The following ST8SIA5 variants were observed in gnomAD, a reference collection of about 807,000 sequenced individuals.
ST8SIA5 encodes the protein ST8 alpha-N-acetyl-neuraminide alpha-2,8-sialyltransferase 5, also known as alpha-2,8-sialyltransferase 8E.
A neutral mutation model predicts 40.2 loss-of-function variants in ST8SIA5; 24 were observed. The observed-to-expected ratio is 0.60, with a 90% CI of 0.43 to 0.84. ST8SIA5 has a LOEUF of 0.84. ST8SIA5 is among the 40% of genes least tolerant of loss of function. ST8SIA5 has a pLI of 0.00. For synonymous variants in ST8SIA5, 198 were observed against 201.8 expected (o/e 0.98, Z 0.16); for missense variants, 465 against 498.5 (o/e 0.93, Z 0.64).
rs2039312810 is a variant in ST8SIA5 at position 46,672,204 on chromosome 18, G to T, written c.*7838C>A. 6.6e-6 allele frequency: 1 copy of T among 152,240 alleles called. No homozygotes were observed. The highest frequency in any genetic ancestry group is 2.1e-4 in the South Asian group (1 of 4,834). The allele number at this position is 152,240 out of a possible 1,614,324, so 9.4% of individuals were successfully genotyped here. ...TGGGGTCGCACGAGTATTTCTTAAA[G>T]CTCTTCAGACGACTCTAGCGTGCAC... On this transcript the variant is annotated 3_prime_UTR_variant, in exon 7 of 7. Coordinates refer to ENST00000315087, the MANE Select transcript of ST8SIA5 (RefSeq NM_013305.6).
chr18:46,703,797 A>G (rs1320084724), intron 2 of ST8SIA5, among the ~76,000 whole-genome samples: 1 of 152,190 alleles, frequency 6.6e-6, no homozygotes, highest in Non-Finnish European at 1.5e-5. Flanking sequence ...CATGACTAAT[A>G]TAGTACCAAT....
Position 46,710,062 on chromosome 18 carries a change from C to T in ST8SIA5, c.132-5398G>A, listed in dbSNP as rs1293540162. Among the ~76,000 whole-genome samples, 3 of 152,188 alleles carry T rather than the reference C, an allele frequency of 2.0e-5. No individual in the cohort carries two copies. The East Asian group carries it at 5.8e-4, about 29-fold the overall frequency. On this transcript the variant is annotated intron_variant, in intron 1 of 6. Transcript: ENST00000315087. ...TCTTTACCCACATCAAAGGGGAGGG[C>T]ACCCTGGCACCATGTAGGGCATCTC...
intron 2 of ST8SIA5, among the ~76,000 whole-genome samples, chr18:46,694,885 G>A (rs920861494): frequency 4.6e-5 from 7 of 151,742 alleles, no homozygotes; most frequent in African/African-American, 9.7e-5. Flanking sequence ...TAGGCCGGGC[G>A]CAGTGGCTCA....
chr18:46,716,086 GGATAGATAGATAGATA>G (rs61514320), intron 1 of ST8SIA5, among the ~76,000 whole-genome samples: 10,596 of 139,726 alleles, frequency 0.076, 676 homozygotes, highest in East Asian at 0.36. Flanking sequence ...GAGTCACACA[GGATAGATAGATAGATA>G]GATAGATAGA....
At chr18:46,691,504 C>A (rs1281843651) in intron 3 of ST8SIA5, 1 of 152,458 alleles carries the variant, frequency 6.6e-6, no homozygotes, top group Non-Finnish European at 1.5e-5. Flanking sequence ...GGTCTACCTG[C>A]ACTAAAATAA....
intron 2 of ST8SIA5, among the ~76,000 whole-genome samples, chr18:46,695,108 G>A (rs139931300): frequency 0.021 from 3,230 of 150,410 alleles, 98 homozygotes; most frequent in African/African-American, 0.066. Flanking sequence ...GCAATGAGCC[G>A]AGATTGTGCC....
At position 46,756,759 on chromosome 18, in the gene ST8SIA5, A is replaced by G. The variant is rs1296279400; in HGVS notation, c.-251T>C. On this transcript the variant is annotated 5_prime_UTR_variant, in exon 1 of 7. Transcript: ENST00000315087. ...TCTGCCGCGGCCAGGGGCCTTCCCC[A>G]CCCCCGGGTACCTTTACCTCCAGGC... 1 of 431,456 alleles carries G rather than the reference A, an allele frequency of 2.3e-6. No homozygotes were observed. The highest frequency in any genetic ancestry group is 4.1e-6 in the Non-Finnish European group (1 of 246,790). The allele number at this position is 431,456 out of a possible 1,614,324, so 26.7% of individuals were successfully genotyped here.
chr18:46,715,050 C>A (rs1298876919), intron 1 of ST8SIA5, among the ~76,000 whole-genome samples: 1 of 152,234 alleles, frequency 6.6e-6, no homozygotes, highest in Admixed American at 6.5e-5. Flanking sequence ...ACATCAGGTT[C>A]ATGGGACCAA....
chr18:46,704,666 T>C lies in ST8SIA5; in HGVS notation c.132-2A>G. The C allele has an allele frequency of 1.2e-6, 2 of 1,613,838 alleles. No homozygotes were observed. The highest frequency in any genetic ancestry group is 1.7e-6 in the Non-Finnish European group (2 of 1,179,736). On this transcript the variant is annotated splice_acceptor_variant, in intron 1 of 6. Coordinates refer to ENST00000315087, the MANE Select transcript of ST8SIA5 (RefSeq NM_013305.6). LOFTEE classifies it high-confidence loss of function. ...GGCCCCTCATAAAATTCAAAGTACC[T>C]GGGGACCAACAGAGACAGGTTAAAC...
At chr18:46,690,833 C>T (rs1175104350) in intron 3 of ST8SIA5, among the ~76,000 whole-genome samples, 1 of 152,110 alleles carries the variant, frequency 6.6e-6, no homozygotes, top group Admixed American at 6.6e-5. Context: ...CCAGGCTGAT[C>T]TTGAACTCCT....
intron 4 of ST8SIA5, among the ~76,000 whole-genome samples, chr18:46,688,342 C>T (rs1330054867): frequency 6.6e-6 from 1 of 152,204 alleles, no homozygotes; most frequent in African/African-American, 2.4e-5. Context: ...AAAATATCTG[C>T]CCACGGTCAT....
At chr18:46,719,213 C>T (rs903412805) in intron 1 of ST8SIA5, among the ~76,000 whole-genome samples, 1 of 152,208 alleles carries the variant, frequency 6.6e-6, no homozygotes, top group African/African-American at 2.4e-5. Flanking sequence ...AACAATGTTG[C>T]ATCAAAGGCA....
chr18:46,755,828 T>C (rs1418991810), intron 1 of ST8SIA5, among the ~76,000 whole-genome samples: 1 of 152,092 alleles, frequency 6.6e-6, no homozygotes, highest in Non-Finnish European at 1.5e-5. Flanking sequence ...GGCTGTGGGA[T>C]TGTAAGACTT....
chr18:46,701,532 A>G (rs1258200975), intron 2 of ST8SIA5, among the ~76,000 whole-genome samples: 1 of 152,200 alleles, frequency 6.6e-6, no homozygotes, highest in Non-Finnish European at 1.5e-5. Flanking sequence ...AGATTAGAGC[A>G]CAGGCAAGAC....
chr18:46,721,130 G>C (rs1028211730), intron 1 of ST8SIA5, among the ~76,000 whole-genome samples: 7 of 152,176 alleles, frequency 4.6e-5, no homozygotes, highest in African/African-American at 1.7e-4. Context: ...CCCCCTGATA[G>C]AAGGGGCCAG....
In ST8SIA5 at chr18:46,676,736, CG is replaced by C. The variant is rs1223089289; in HGVS notation, c.*3305del. ...GAAGACATGATGGTTGTTTTGTTTA[CG>C]GGAATCGATTTCCCTTGAATAATAA... On this transcript the variant is annotated 3_prime_UTR_variant, in exon 7 of 7. Coordinates refer to ENST00000315087, the MANE Select transcript of ST8SIA5 (RefSeq NM_013305.6). The C allele has an allele frequency of 6.6e-6, 1 of 152,190 alleles. No individual in the cohort carries two copies. The highest frequency in any genetic ancestry group is 2.4e-5 in the African/African-American group (1 of 41,410). The allele number at this position is 152,190 out of a possible 1,614,324, so 9.4% of individuals were successfully genotyped here. A position where few individuals can be genotyped will look rare whatever the true frequency, so the allele number is the denominator to read the frequency against.
intron 5 of ST8SIA5, among the ~76,000 whole-genome samples, chr18:46,683,849 G>A (rs549175500): frequency 6.6e-6 from 1 of 152,286 alleles, no homozygotes; most frequent in South Asian, 2.1e-4. Context: ...TTGGGTGGCA[G>A]ATATTAGGCT....
intron 3 of ST8SIA5, among the ~76,000 whole-genome samples, chr18:46,689,156 A>C (rs952146217): frequency 6.8e-6 from 1 of 147,462 alleles, no homozygotes; most frequent in South Asian, 2.2e-4. Flanking sequence ...GCTTGCCCCC[A>C]ACCTACACCT....
chr18:46,697,327 A>G (rs1568256237), intron 2 of ST8SIA5, among the ~76,000 whole-genome samples: 1 of 152,140 alleles, frequency 6.6e-6, no homozygotes, highest in Non-Finnish European at 1.5e-5. Context: ...AAATGACCAC[A>G]AAGACAACTA....
Sources: allele counts gnomAD v4.1 joint callset (sites outside exome capture counted in the v4.1 genomes callset), GRCh38; gene constraint gnomAD v4.1.1; transcripts MANE v1.5; gene names NCBI Gene and HGNC (gene_info 2026-07-23, HGNC 2026-07-21).